C12orf42: variants seen among roughly 807,000 people sequenced by gnomAD.
C12orf42 encodes uncharacterized protein C12orf42.
C12orf42 carries 25 observed loss-of-function variants against 21.6 expected under a neutral mutation model. The observed-to-expected ratio is 1.16, with a 90% CI of 0.84 to 1.62. The LOEUF (loss-of-function observed/expected upper bound fraction) is 1.62, where lower values mean the gene tolerates loss of function less well. Ranked by LOEUF, C12orf42 falls within the 40% of genes most tolerant of loss-of-function variation. C12orf42 has a pLI of 0.00. For missense variants in C12orf42, 483 were observed against 459.3 expected (o/e 1.05, Z -0.47); for synonymous variants, 174 against 175.0 (o/e 0.99, Z 0.05).
chr12:103,052,891 A>G, the C12orf42 span, among the ~76,000 whole-genome samples: 1 of 152,028 alleles, frequency 6.6e-6, no homozygotes, highest in Non-Finnish European at 1.5e-5. Flanking sequence ...AACATTACCG[A>G]ACATTGAAAA....
chr12:103,192,418 G>T, the C12orf42 span, among the ~76,000 whole-genome samples: 1 of 150,778 alleles, frequency 6.6e-6, no homozygotes, highest in African/African-American at 2.4e-5. Context: ...CAGGAGAATC[G>T]CTTGAACCTG....
At chr12:103,326,098 T>C (rs1022041170) in intron 4 of C12orf42, among the ~76,000 whole-genome samples, 1 of 152,192 alleles carries the variant, frequency 6.6e-6, no homozygotes, top group Non-Finnish European at 1.5e-5. Context: ...AGGTTATCAT[T>C]ACCCTCCATT....
At chr12:103,365,304 T>C (rs1415773517) in intron 4 of C12orf42, among the ~76,000 whole-genome samples, 6 of 151,838 alleles carry the variant, frequency 4.0e-5, no homozygotes, top group Non-Finnish European at 8.8e-5. Flanking sequence ...TCAGCAAAAT[T>C]GGCATACAAG....
At chr12:103,264,358 G>C (rs2035060396), downstream of C12orf42, among the ~76,000 whole-genome samples, 1 of 152,106 alleles carries the variant, frequency 6.6e-6, no homozygotes, top group Non-Finnish European at 1.5e-5. Flanking sequence ...AAGAGAAAGA[G>C]GTTTAATTCA....
chr12:103,430,761 C>T (rs1313798227), intron 2 of C12orf42, among the ~76,000 whole-genome samples: 1 of 152,188 alleles, frequency 6.6e-6, no homozygotes, highest in Non-Finnish European at 1.5e-5. Context: ...GGTACATATA[C>T]ACCATGGAAT....
At chr12:103,356,291 A>C (rs537334579) in intron 4 of C12orf42, among the ~76,000 whole-genome samples, 5 of 152,252 alleles carry the variant, frequency 3.3e-5, no homozygotes, top group African/African-American at 1.2e-4. Context: ...TCTAAGTCAC[A>C]AACAAACAGG....
At chr12:103,432,450 G>C (rs1341877689) in intron 2 of C12orf42, among the ~76,000 whole-genome samples, 1 of 152,162 alleles carries the variant, frequency 6.6e-6, no homozygotes, top group Non-Finnish European at 1.5e-5. Context: ...TATCTGACTA[G>C]CTACCTACTG....
At chr12:103,442,592 C>T (rs754966198) in intron 2 of C12orf42, among the ~76,000 whole-genome samples, 1 of 152,134 alleles carries the variant, frequency 6.6e-6, no homozygotes, top group Non-Finnish European at 1.5e-5. Context: ...CCTGGCATAG[C>T]CTCTTTTATT....
chr12:103,434,364 A>G (rs1950496332), intron 2 of C12orf42, among the ~76,000 whole-genome samples: 2 of 152,164 alleles, frequency 1.3e-5, no homozygotes, highest in South Asian at 4.1e-4. Flanking sequence ...AAACTCACAG[A>G]TTATTTTAAA....
chr12:103,105,477 C>A, the C12orf42 span, among the ~76,000 whole-genome samples: 1 of 151,880 alleles, frequency 6.6e-6, no homozygotes, highest in South Asian at 2.1e-4. Flanking sequence ...AATATGGAAA[C>A]AATAGACACT....
At chr12:103,083,452 A>G in the C12orf42 span, among the ~76,000 whole-genome samples, 3 of 152,198 alleles carry the variant, frequency 2.0e-5, no homozygotes, top group Non-Finnish European at 4.4e-5. Context: ...ATCATTAACC[A>G]TACAAACTAG....
chr12:103,498,019 A>C (rs1009935183), upstream of C12orf42, among the ~76,000 whole-genome samples: 1 of 151,984 alleles, frequency 6.6e-6, no homozygotes, highest in African/African-American at 2.4e-5. Context: ...TGGGTGACAG[A>C]GCGAGACTCC....
intron 4 of C12orf42, among the ~76,000 whole-genome samples, chr12:103,338,609 G>C (rs956067483): frequency 6.6e-6 from 1 of 152,174 alleles, no homozygotes; most frequent in Admixed American, 6.5e-5. Context: ...CCCTCCACAA[G>C]ATAAGAGCCT....
At chr12:103,389,126 G>T (rs1412060247) in intron 3 of C12orf42, among the ~76,000 whole-genome samples, 1 of 152,194 alleles carries the variant, frequency 6.6e-6, no homozygotes, top group East Asian at 1.9e-4. Flanking sequence ...GGAAATAGGG[G>T]CTCTTGAGAG....
intron 4 of C12orf42, among the ~76,000 whole-genome samples, chr12:103,343,689 G>T (rs1488450806): frequency 1.3e-5 from 2 of 149,958 alleles, no homozygotes; most frequent in African/African-American, 4.9e-5. Flanking sequence ...CAGAAGAATC[G>T]CTTGAACCCG....
the C12orf42 span, among the ~76,000 whole-genome samples, chr12:103,505,201 C>T: frequency 4.0e-3 from 608 of 152,266 alleles, 6 homozygotes; most frequent in African/African-American, 0.014. Context: ...GAAATAGAAA[C>T]ATCTATTGAG....
chr12:103,201,766 G>A, the C12orf42 span, among the ~76,000 whole-genome samples: 2 of 152,248 alleles, frequency 1.3e-5, no homozygotes, highest in South Asian at 2.1e-4. Context: ...TGCACTGTAT[G>A]TTTATTAGTA....
At chr12:103,496,960 AAAGT>A (rs1955574253), upstream of C12orf42, among the ~76,000 whole-genome samples, 1 of 152,220 alleles carries the variant, frequency 6.6e-6, no homozygotes, top group African/African-American at 2.4e-5. Flanking sequence ...TTTAAAAAAA[AAAGT>A]AAGTTTGTAC....
At chr12:103,069,609 C>T in the C12orf42 span, among the ~76,000 whole-genome samples, 1 of 152,110 alleles carries the variant, frequency 6.6e-6, no homozygotes, top group African/African-American at 2.4e-5. Context: ...CTACTGCATG[C>T]GTATTGCTTT....
Sources: allele counts gnomAD v4.1 joint callset (sites outside exome capture counted in the v4.1 genomes callset), GRCh38; gene constraint gnomAD v4.1.1; transcripts MANE v1.5; gene names NCBI Gene and HGNC (gene_info 2026-07-23, HGNC 2026-07-21).